Variants in WDPCP observed in about 807,000 individuals in gnomAD.
The protein encoded by WDPCP is WD repeat containing planar cell polarity effector.
A neutral mutation model predicts 93.1 loss-of-function variants in WDPCP; 71 were observed. The ratio of observed to expected loss-of-function variants is 0.76; its 90% confidence interval spans 0.63 to 0.93. The LOEUF (loss-of-function observed/expected upper bound fraction) is 0.93. Ranked by LOEUF, WDPCP falls within the 40% of genes least tolerant of loss-of-function variation. WDPCP has a pLI of 0.00. For synonymous variants in WDPCP, 315 were observed against 315.0 expected (o/e 1.00, Z 0.00); for missense variants, 844 against 887.4 (o/e 0.95, Z 0.62).
At chr2:63,533,116 G>C (rs7607974) in intron 1 of WDPCP, among the ~76,000 whole-genome samples, 3 of 150,966 alleles carry the variant, frequency 2.0e-5, no homozygotes, top group South Asian at 2.1e-4. Context: ...ACAAAGAAGG[G>C]CATTACATAA....
intron 6 of WDPCP, chr2:63,442,700 T>G (rs916250456): frequency 1.3e-5 from 2 of 152,220 alleles, no homozygotes; most frequent in Non-Finnish European, 2.9e-5. Flanking sequence ...TCCAAAATAT[T>G]TGCAAGTTCC....
chr2:63,540,191 A>T (rs533616041), intron 1 of WDPCP, among the ~76,000 whole-genome samples: 3 of 152,346 alleles, frequency 2.0e-5, no homozygotes, highest in Admixed American at 2.0e-4. Context: ...ACAATAGACA[A>T]ATATTTATTT....
At chr2:63,535,235 T>G (rs1276605821) in intron 1 of WDPCP, among the ~76,000 whole-genome samples, 1 of 152,188 alleles carries the variant, frequency 6.6e-6, no homozygotes, top group African/African-American at 2.4e-5. Context: ...TGGAAAAACA[T>G]TCCATGCTCA....
At chr2:63,360,344 T>C (rs1361230075) in intron 12 of WDPCP, among the ~76,000 whole-genome samples, 2 of 152,224 alleles carry the variant, frequency 1.3e-5, no homozygotes, top group African/African-American at 4.8e-5. Flanking sequence ...AACTAGTACA[T>C]ATTTCGCTAT....
intron 9 of WDPCP, among the ~76,000 whole-genome samples, chr2:63,409,770 A>G (rs1270616187): frequency 1.3e-5 from 2 of 152,212 alleles, no homozygotes; most frequent in East Asian, 3.8e-4. Context: ...AGTATCAGCG[A>G]TAGCATTAAC....
At chr2:63,430,241 G>A (rs1201586081) in intron 9 of WDPCP, among the ~76,000 whole-genome samples, 1 of 151,986 alleles carries the variant, frequency 6.6e-6, no homozygotes, top group African/African-American at 2.4e-5. Context: ...AGAGGGAGGA[G>A]GACAAGGACT....
intron 12 of WDPCP, among the ~76,000 whole-genome samples, chr2:63,331,244 CCT>C (rs1553351308): frequency 6.6e-6 from 1 of 152,120 alleles, no homozygotes; most frequent in Non-Finnish European, 1.5e-5. Context: ...TGGCCCATCC[CCT>C]TTTTCCTTGA....
intron 1 of WDPCP, among the ~76,000 whole-genome samples, chr2:63,529,842 G>C (rs1225687657): frequency 6.6e-6 from 1 of 152,036 alleles, no homozygotes; most frequent in Non-Finnish European, 1.5e-5. Flanking sequence ...ATTTTTTTTG[G>C]TTGGTAGGCT....
intron 1 of WDPCP, among the ~76,000 whole-genome samples, chr2:63,504,346 G>C (rs1701734862): frequency 6.6e-6 from 1 of 151,306 alleles, no homozygotes; most frequent in Non-Finnish European, 1.5e-5. Flanking sequence ...GTGTGTGTGT[G>C]TGTGTGTGTG....
chr2:63,811,709 G>A (rs1670864969), intron 2 of WDPCP, among the ~76,000 whole-genome samples: 3 of 151,424 alleles, frequency 2.0e-5, no homozygotes, highest in South Asian at 2.1e-4. Flanking sequence ...CTTGTCACTC[G>A]GGTACTGAGC....
chr2:63,584,390 A>T (rs1362374794), intron 1 of WDPCP, among the ~76,000 whole-genome samples: 2 of 152,178 alleles, frequency 1.3e-5, no homozygotes, highest in Non-Finnish European at 2.9e-5. Context: ...AAATTAAATC[A>T]TAATGTATAT....
At chr2:63,513,486 G>C (rs1702365145) in intron 1 of WDPCP, among the ~76,000 whole-genome samples, 1 of 152,028 alleles carries the variant, frequency 6.6e-6, no homozygotes, top group Non-Finnish European at 1.5e-5. Flanking sequence ...CTGAAGCAAG[G>C]TATCTCAGAC....
intron 13 of WDPCP, among the ~76,000 whole-genome samples, chr2:63,281,789 G>T (rs1007147794): frequency 6.6e-6 from 1 of 152,040 alleles, no homozygotes; most frequent in Non-Finnish European, 1.5e-5. Flanking sequence ...ACACAATATT[G>T]TAAGAATGAT....
chr2:63,314,581 C>G (rs1686489005), intron 12 of WDPCP, among the ~76,000 whole-genome samples: 1 of 152,090 alleles, frequency 6.6e-6, no homozygotes, highest in African/African-American at 2.4e-5. Flanking sequence ...GCTTGCCCTG[C>G]TTTCCTTAAT....
intron 10 of WDPCP, among the ~76,000 whole-genome samples, chr2:63,395,970 C>T (rs999761120): frequency 5.9e-5 from 9 of 152,142 alleles, no homozygotes; most frequent in African/African-American, 2.2e-4. Context: ...CTCAGGTGAT[C>T]CGCCCACCTC....
chr2:63,593,434 T>A (rs1032053208), upstream of WDPCP: 2 of 393,244 alleles, frequency 5.1e-6, no homozygotes, highest in Non-Finnish European at 1.0e-5. Context: ...CTTTGACTTC[T>A]ATGAGTGAGT....
At chr2:63,273,039 A>G (rs2104872305) in intron 13 of WDPCP, among the ~76,000 whole-genome samples, 1 of 152,308 alleles carries the variant, frequency 6.6e-6, no homozygotes, top group South Asian at 2.1e-4. Flanking sequence ...CCATCAGACT[A>G]ACACTGGATT....
At chr2:63,130,733 G>A (rs546517313) in intron 17 of WDPCP, among the ~76,000 whole-genome samples, 84 of 152,072 alleles carry the variant, frequency 5.5e-4, no homozygotes, top group African/African-American at 1.8e-3. Context: ...TGTTTTTCAA[G>A]TCTTCTGTTG....
At chr2:63,309,716 T>C (rs1196643026) in intron 13 of WDPCP, among the ~76,000 whole-genome samples, 1 of 152,148 alleles carries the variant, frequency 6.6e-6, no homozygotes, top group Non-Finnish European at 1.5e-5. Flanking sequence ...TAAGTTTCAA[T>C]AGATTTAAAA....
Sources: allele counts gnomAD v4.1 joint callset (sites outside exome capture counted in the v4.1 genomes callset), GRCh38; gene constraint gnomAD v4.1.1; transcripts MANE v1.5; gene names NCBI Gene and HGNC (gene_info 2026-07-23, HGNC 2026-07-21).